TBL3: variants seen among roughly 807,000 people sequenced by gnomAD.
TBL3 encodes the protein transducin beta-like protein 3.
Under a neutral mutation model 102.7 loss-of-function variants are expected in TBL3, and 71 were observed. The ratio of observed to expected loss-of-function variants is 0.69; its 90% confidence interval spans 0.57 to 0.84. TBL3 has a LOEUF of 0.84. TBL3 is among the 40% of genes least tolerant of loss of function. The pLI, the probability that TBL3 is intolerant of heterozygous loss-of-function variation, is 0.00. For synonymous variants in TBL3, 578 were observed against 477.7 expected, an observed-to-expected ratio of 1.21 and a Z score of -2.74; for missense variants, 1,188 against 1,098.5, an observed-to-expected ratio of 1.08 and a Z score of -1.15.
Position 1,979,461 on chromosome 16 carries a change from A to G in TBL3, c.*776A>G. ...CCAGCCGCGGTCTGACGTTTCCAACACGCGCACGCGCGCCCCCGCGGGCAC... is the reference window on the plus strand; with the variant it reads ...CCAGCCGCGGTCTGACGTTTCCAACGCGCGCACGCGCGCCCCCGCGGGCAC... On this transcript the variant is annotated 3_prime_UTR_variant, in exon 22 of 22. Transcript: ENST00000568546. 6.2e-7 allele frequency: 1 copy of G among 1,611,264 alleles called. No homozygotes were observed. Among genetic ancestry groups the G allele is most frequent in the Non-Finnish European group, 8.5e-7 (1 of 1,179,412 alleles).
Position 1,980,974 on chromosome 16 carries a change from C to T in TBL3, c.*2289C>T. The T allele has an allele frequency of 6.2e-7, 1 of 1,613,206 alleles. No homozygotes were observed. Among genetic ancestry groups the T allele is most frequent in the Non-Finnish European group, 8.5e-7 (1 of 1,180,018 alleles). ...CTGAATTCGTCCCAACTCCTGCGCACGAAGGTGTCGCTGCCGTCTGACCAG... is the reference window on the plus strand; with the variant it reads ...CTGAATTCGTCCCAACTCCTGCGCATGAAGGTGTCGCTGCCGTCTGACCAG... On this transcript the variant is annotated 3_prime_UTR_variant, in exon 22 of 22. Transcript: ENST00000568546.
In TBL3 at chr16:1,978,322, T is replaced by C; in HGVS notation, c.2144T>C (p.Leu715Pro). 4 of 1,609,962 alleles carry C rather than the reference T, an allele frequency of 2.5e-6. No individual in the cohort carries two copies. Among genetic ancestry groups the C allele is most frequent in the Non-Finnish European group, 3.4e-6 (4 of 1,178,136 alleles). Residue 715 changes from leucine to proline, a missense_variant, in exon 21 of 22, where the codon CTG becomes CCG. By Grantham distance (98) the Leu-to-Pro change is moderately conservative. Coordinates refer to ENST00000568546, the MANE Select transcript of TBL3 (RefSeq NM_006453.3). ...GTCCTGTTGCCCACAGAGGCCCTGC[T>C]GCGCTTCTGCGTCACGTGGAACACC... ...RLRRDQKEAL[L>P]RFCVTWNTNS...
chr16:1,979,597 C>G lies in TBL3; in HGVS notation c.*912C>G, dbSNP rs990630897. 1 of 1,457,726 alleles carries G rather than the reference C, an allele frequency of 6.9e-7. No individual in the cohort carries two copies. The highest frequency in any genetic ancestry group is 1.8e-5 in the Admixed American group (1 of 56,920). 90.3% of individuals were successfully genotyped at this position (1,457,726 alleles called of 1,614,324 possible). ...CGGGGCCACAGAGGACGAGGCCCGC[C>G]CGCACCCTTCTCCACATTCTCCTTG... is the stretch of plus-strand genomic sequence containing the variant. On this transcript the variant is annotated 3_prime_UTR_variant, in exon 22 of 22. Transcript: ENST00000568546.
In TBL3 at chr16:1,978,706, T is replaced by G; in HGVS notation, c.*21T>G. The G allele has an allele frequency of 6.2e-7, 1 of 1,600,260 alleles. No individual in the cohort carries two copies. The highest frequency in any genetic ancestry group is 1.3e-5 in the African/African-American group (1 of 74,750). On this transcript the variant is annotated 3_prime_UTR_variant, in exon 22 of 22. Transcript: ENST00000568546. ...CCTAGCCGGTCCGGCCTCTCTCCAGTCCATCCTGAACCCCTGGAAAACCCA... is the reference window on the plus strand; with the variant it reads ...CCTAGCCGGTCCGGCCTCTCTCCAGGCCATCCTGAACCCCTGGAAAACCCA...
In TBL3 at chr16:1,978,905, A is replaced by G; in HGVS notation, c.*220A>G. On this transcript the variant is annotated 3_prime_UTR_variant, in exon 22 of 22. Coordinates refer to ENST00000568546, the MANE Select transcript of TBL3 (RefSeq NM_006453.3). ...ATCCAGCCCGCGGCTCCGCACGCTT[A>G]GACGGTGGGGGTCATGCAGAACAAG... 1 of 1,098,976 alleles carries G rather than the reference A, an allele frequency of 9.1e-7. No homozygotes were observed. The highest frequency in any genetic ancestry group is 1.3e-6 in the Non-Finnish European group (1 of 777,346). The allele number at this position is 1,098,976 out of a possible 1,614,324, so 68.1% of individuals were successfully genotyped here.
In TBL3 at chr16:1,976,965, A is replaced by T. The variant is rs1382154797; in HGVS notation, c.1440+4A>T. 2.0e-5 allele frequency: 33 copies of T among 1,613,430 alleles called. No individual in the cohort carries two copies. The highest frequency in any genetic ancestry group is 2.8e-5 in the Non-Finnish European group (33 of 1,179,956). The stretch of plus-strand genomic sequence containing the variant: ...CACTCAGCGCTGCCATGATAAGGTG[A>T]CTCCATAGCCACTGGGGTGGGGGTG... On this transcript the variant is annotated splice_donor_region_variant and intron_variant, in intron 14 of 21. Coordinates refer to ENST00000568546, the MANE Select transcript of TBL3 (RefSeq NM_006453.3).
rs534793792 is a variant in TBL3 at position 1,977,293 on chromosome 16, C to T, written c.1671+9C>T. The stretch of plus-strand genomic sequence containing the variant: ...ACTTCAGCTGTCTCAAGGTAAGTGG[C>T]GCTCCAGACCCTCCCCACTTCCCGC... On this transcript the variant is annotated intron_variant, in intron 15 of 21. Transcript: ENST00000568546. 21 of 1,613,238 alleles carry T rather than the reference C, an allele frequency of 1.3e-5. No individual in the cohort carries two copies. Among genetic ancestry groups the T allele is most frequent in the East Asian group, 6.7e-5 (3 of 44,880 alleles).
Position 1,979,765 on chromosome 16 carries a change from G to A in TBL3, c.*1080G>A, listed in dbSNP as rs1273625135. On this transcript the variant is annotated 3_prime_UTR_variant, in exon 22 of 22. Coordinates refer to ENST00000568546, the MANE Select transcript of TBL3 (RefSeq NM_006453.3). ...CACACGGTCAAGCCGCAGTGGTGGC[G>A]TGAGGGGTGGGGTTAGGCGCATACC... is the stretch of plus-strand genomic sequence containing the variant. 1 of 1,472,094 alleles carries A rather than the reference G, an allele frequency of 6.8e-7. No individual in the cohort carries two copies. Among genetic ancestry groups the A allele is most frequent in the Non-Finnish European group, 9.1e-7 (1 of 1,095,816 alleles). 91.2% of individuals were successfully genotyped at this position (1,472,094 alleles called of 1,614,324 possible).
chr16:1,973,338 G>C (rs966690814), intron 1 of TBL3, among the ~76,000 whole-genome samples: 2 of 152,204 alleles, frequency 1.3e-5, no homozygotes, highest in Admixed American at 1.3e-4. Context: ...GCTGAGGCAG[G>C]AGAATGGCGT....
rs567652920 is a variant in TBL3, at chr16:1,982,059, A to G, written c.*3374A>G. On this transcript the variant is annotated 3_prime_UTR_variant, in exon 22 of 22. Transcript: ENST00000568546. ...GCCCCACCTCTCTGGCTGCTTCCTT[A>G]TAGTTCGGGCTTCGGAAGCCACATT... is the stretch of plus-strand genomic sequence containing the variant. The G allele has an allele frequency of 6.6e-6, 1 of 152,198 alleles. No individual in the cohort carries two copies. The highest frequency in any genetic ancestry group is 2.1e-4 in the South Asian group (1 of 4,824). The allele number at this position is 152,198 out of a possible 1,614,324, so 9.4% of individuals were successfully genotyped here.
chr16:1,978,766 G>T lies in TBL3; in HGVS notation c.*81G>T. Reference sequence around the variant, plus strand: ...CTCTCCTGGCCGGCTCTGTCTCTCTGGACTGCAGTCCAGCCCCCCACCCTG... The same window carrying T: ...CTCTCCTGGCCGGCTCTGTCTCTCTTGACTGCAGTCCAGCCCCCCACCCTG... On this transcript the variant is annotated 3_prime_UTR_variant, in exon 22 of 22. Coordinates refer to ENST00000568546, the MANE Select transcript of TBL3 (RefSeq NM_006453.3). The T allele has an allele frequency of 6.5e-7, 1 of 1,528,186 alleles. No individual in the cohort carries two copies. Among genetic ancestry groups the T allele is most frequent in the Non-Finnish European group, 8.9e-7 (1 of 1,127,344 alleles). 94.7% of individuals were successfully genotyped at this position (1,528,186 alleles called of 1,614,324 possible).
Position 1,979,039 on chromosome 16 carries a change from G to T in TBL3, c.*354G>T, listed in dbSNP as rs761276265. The T allele has an allele frequency of 4.5e-6, 7 of 1,541,102 alleles. No homozygotes were observed. The South Asian group carries it at 8.3e-5, about 18-fold the overall frequency. The stretch of plus-strand genomic sequence containing the variant: ...GGATGGCGCGGTCCATCCCCTCATC[G>T]GGATCCTCGCGCTCACTGCTCCGTC... On this transcript the variant is annotated 3_prime_UTR_variant, in exon 22 of 22. Transcript: ENST00000568546.
At position 1,982,640 on chromosome 16, in the gene TBL3, G is replaced by C. The variant is rs1380445665; in HGVS notation, c.*3955G>C. 6.6e-6 allele frequency: 1 copy of C among 152,244 alleles called. No individual in the cohort carries two copies. The highest frequency in any genetic ancestry group is 1.5e-5 in the Non-Finnish European group (1 of 68,152). The allele number at this position is 152,244 out of a possible 1,614,324, so 9.4% of individuals were successfully genotyped here. A position where few individuals can be genotyped will look rare whatever the true frequency, so the allele number is the denominator to read the frequency against. On this transcript the variant is annotated 3_prime_UTR_variant, in exon 22 of 22. Coordinates refer to ENST00000568546, the MANE Select transcript of TBL3 (RefSeq NM_006453.3). ...CTTGCCCCTACAAAATCCACTCCAA[G>C]GACAGACACAGTGCCTCACCTGTAA...
chr16:1,978,087 G>A (rs1218362953), intron 19 of TBL3, 26 bp downstream of exon 19: 1 of 1,606,798 alleles, frequency 6.2e-7, no homozygotes, highest in African/African-American at 1.3e-5. Context: ...GGGGGGCGAG[G>A]GGCTGGGTCT....
chr16:1,976,761 A>G (rs994143934), intron 13 of TBL3, 53 bp from the exon 14 acceptor site: 16 of 1,601,836 alleles, frequency 1.0e-5, no homozygotes, highest in Non-Finnish European at 1.4e-5. Context: ...GGAGCTGGCC[A>G]TCAGGGCTGG....
In TBL3 at chr16:1,978,384, G is replaced by T; in HGVS notation, c.2206G>T (p.Gly736Cys). 6.2e-7 allele frequency: 1 copy of T among 1,611,522 alleles called. No homozygotes were observed. Among genetic ancestry groups the T allele is most frequent in the Non-Finnish European group, 8.5e-7 (1 of 1,179,006 alleles). Residue 736 changes from glycine to cysteine, a missense_variant, in exon 21 of 22, where the codon GGT (glycine) becomes TGT (cysteine). Coordinates refer to ENST00000568546, the MANE Select transcript of TBL3 (RefSeq NM_006453.3). ...CTGCCACGAGGCCCAGGCCGTGCTG[G>T]GTGTGCTCTTGAGGCGAGAGGCCCC... ...RHCHEAQAVL[G>C]VLLRREAPEE... is the part of the protein sequence containing the mutation.
Position 1,980,833 on chromosome 16 carries a change from G to C in TBL3, c.*2148G>C. ...TGGCAGGGGCTGGGAGCTTCAGCAG[G>C]GACGAAGGGCCTCCAGTGGGAGTCA... On this transcript the variant is annotated 3_prime_UTR_variant, in exon 22 of 22. Coordinates refer to ENST00000568546, the MANE Select transcript of TBL3 (RefSeq NM_006453.3). 1 of 1,465,946 alleles carries C rather than the reference G, an allele frequency of 6.8e-7. No individual in the cohort carries two copies. Among genetic ancestry groups the C allele is most frequent in the Non-Finnish European group, 9.4e-7 (1 of 1,065,810 alleles). The allele number at this position is 1,465,946 out of a possible 1,614,324, so 90.8% of individuals were successfully genotyped here. A position where few individuals can be genotyped will look rare whatever the true frequency, so the allele number is the denominator to read the frequency against.
Position 1,972,133 on chromosome 16 carries a change from C to T in TBL3, c.-32C>T, listed in dbSNP as rs759323805. ...GCGGCGGTGGCTGCCGGGACCCTAG[C>T]AGGTTTCAGCTGGAGCGGCGGCGGC... On this transcript the variant is annotated 5_prime_UTR_variant, in exon 1 of 22. Coordinates refer to ENST00000568546, the MANE Select transcript of TBL3 (RefSeq NM_006453.3). 2.0e-6 allele frequency: 3 copies of T among 1,471,706 alleles called. No homozygotes were observed. The highest frequency in any genetic ancestry group is 2.7e-6 in the Non-Finnish European group (3 of 1,109,244). 91.2% of individuals were successfully genotyped at this position (1,471,706 alleles called of 1,614,324 possible).
Position 1,976,188 on chromosome 16 carries a change from TCTC to T in TBL3, c.1189-19_1189-17del. 1 of 1,614,042 alleles carries T rather than the reference TCTC, an allele frequency of 6.2e-7. No individual in the cohort carries two copies. The highest frequency in any genetic ancestry group is 1.7e-5 in the Admixed American group (1 of 60,022). ...CGCAGTAGGCCCATGGACCAGCCTC[TCTC>T]CTCAACTCCCTGTCCCCAGGATCAG... On this transcript the variant is annotated intron_variant, in intron 12 of 21. Transcript: ENST00000568546.
Sources: gnomAD v4.1 joint callset for allele counts (sites outside exome capture counted in the v4.1 genomes callset) on GRCh38, gnomAD v4.1.1 for gene constraint, MANE v1.5 for transcripts, NCBI Gene and HGNC (gene_info 2026-07-23, HGNC 2026-07-21) for gene names.